RCSD1: variants seen among roughly 807,000 people sequenced by gnomAD.
RCSD1 encodes the protein capZ-interacting protein.
RCSD1 carries 26 observed loss-of-function variants against 42.5 expected under a neutral mutation model. The observed-to-expected ratio is 0.61, with a 90% CI of 0.45 to 0.85. The LOEUF is 0.85. Among genes scored for constraint, RCSD1 ranks in the 40% least tolerant of loss-of-function variants. The pLI is 0.00. For missense variants in RCSD1, 571 were observed against 528.3 expected, an observed-to-expected ratio of 1.08 and a Z score of -0.79; for synonymous variants, 220 against 212.2, an observed-to-expected ratio of 1.04 and a Z score of -0.32.
At chr1:167,659,637 C>T (rs1015943617) in intron 1 of RCSD1, among the ~76,000 whole-genome samples, 1 of 152,192 alleles carries the variant, frequency 6.6e-6, no homozygotes, top group African/African-American at 2.4e-5. Context: ...CCTTGGACCA[C>T]GTGTCCATTC....
At chr1:167,651,222 T>G (rs1658297467) in intron 1 of RCSD1, among the ~76,000 whole-genome samples, 1 of 152,188 alleles carries the variant, frequency 6.6e-6, no homozygotes, top group Non-Finnish European at 1.5e-5. Flanking sequence ...CAGGAGACAG[T>G]TCAGCCCAGG....
At chr1:167,637,272 A>G (rs1657884118) in intron 1 of RCSD1, among the ~76,000 whole-genome samples, 1 of 152,234 alleles carries the variant, frequency 6.6e-6, no homozygotes, top group South Asian at 2.1e-4. Flanking sequence ...CTGGAGGATA[A>G]AGCAAGATAA....
chr1:167,685,293 C>A, intron 2 of RCSD1, 128 bp from the exon 3 acceptor site: 1 of 631,392 alleles, frequency 1.6e-6, no homozygotes, highest in Non-Finnish European at 2.7e-6. Context: ...CTACACTTCC[C>A]TAACATCCTA....
intron 6 of RCSD1, among the ~76,000 whole-genome samples, chr1:167,703,231 C>T (rs1659684566): frequency 6.6e-6 from 1 of 152,180 alleles, no homozygotes. Flanking sequence ...TCAATCATCC[C>T]TCAGACACAT....
In RCSD1 at chr1:167,696,670, C is replaced by T. The variant is rs1398492979; in HGVS notation, c.475-429C>T. The stretch of plus-strand genomic sequence containing the variant: ...GTCTCGCTACGTTGCCCAGGCTGAT[C>T]TTGAACTCCTGAGCTCAAGCGATCC... On this transcript the variant is annotated intron_variant, in intron 5 of 6. Transcript: ENST00000367854. Among the ~76,000 whole-genome samples, 3 of 152,204 alleles carry T rather than the reference C, an allele frequency of 2.0e-5. No homozygotes were observed. In the East Asian group the frequency reaches 5.8e-4, roughly 29 times the overall value.
intron 1 of RCSD1, among the ~76,000 whole-genome samples, chr1:167,633,324 G>A (rs1344340767): frequency 6.6e-6 from 1 of 152,214 alleles, no homozygotes; most frequent in African/African-American, 2.4e-5. Flanking sequence ...CAGATCATGA[G>A]TTCTGCAGGA....
intron 6 of RCSD1, among the ~76,000 whole-genome samples, chr1:167,699,283 A>C (rs1659586129): frequency 1.3e-5 from 2 of 152,216 alleles, no homozygotes; most frequent in Non-Finnish European, 2.9e-5. Context: ...AAACAATAGA[A>C]ATATACTTTC....
chr1:167,694,064 A>C, intron 4 of RCSD1, 35 bp from the exon 5 acceptor site: 4 of 1,602,952 alleles, frequency 2.5e-6, no homozygotes, highest in Non-Finnish European at 3.4e-6. Context: ...TCTTCTCCCT[A>C]GTCCTATTTG....
rs1342280735 is a variant in RCSD1, at chr1:167,685,524, T to C, written c.198+14T>C. On this transcript the variant is annotated intron_variant, in intron 3 of 6. Transcript: ENST00000367854. ...AATGGTGAGGAGGTAAGTGCTGCTG[T>C]TGGGGCTCAGAGGATGCTGTGATGG... 3.7e-6 allele frequency: 6 copies of C among 1,608,266 alleles called. No homozygotes were observed. The highest frequency in any genetic ancestry group is 5.1e-6 in the Non-Finnish European group (6 of 1,175,524).
At chr1:167,680,327 C>T (rs974559772) in intron 1 of RCSD1, among the ~76,000 whole-genome samples, 3 of 151,804 alleles carry the variant, frequency 2.0e-5, no homozygotes, top group Non-Finnish European at 4.4e-5. Context: ...TGGGTATGGT[C>T]CATGGGGGTG....
At chr1:167,662,396 G>A (rs1268205778) in intron 1 of RCSD1, among the ~76,000 whole-genome samples, 1 of 152,114 alleles carries the variant, frequency 6.6e-6, no homozygotes, top group African/African-American at 2.4e-5. Context: ...TCTTGATCTT[G>A]CTGTCTCTCT....
At chr1:167,685,728 A>G (rs902152666) in intron 3 of RCSD1, among the ~76,000 whole-genome samples, 1 of 152,182 alleles carries the variant, frequency 6.6e-6, no homozygotes, top group Non-Finnish European at 1.5e-5. Flanking sequence ...AGGCTCCTTT[A>G]TGATTTGTCA....
intron 3 of RCSD1, among the ~76,000 whole-genome samples, chr1:167,688,850 T>G (rs1362679899): frequency 3.3e-5 from 5 of 152,146 alleles, no homozygotes; most frequent in African/African-American, 1.2e-4. Flanking sequence ...TATGGGGAGA[T>G]CCCTCCTCTG....
chr1:167,659,222 G>A lies in RCSD1; in HGVS notation c.7-24678G>A, dbSNP rs12564618. ...TTTTGAATTTGCTTTTCTATGAATTGCCTATTTATATCCTTTGTTATGTAT... is the reference window on the plus strand; with the variant it reads ...TTTTGAATTTGCTTTTCTATGAATTACCTATTTATATCCTTTGTTATGTAT... On this transcript the variant is annotated intron_variant, in intron 1 of 6. Transcript: ENST00000367854. Among the ~76,000 whole-genome samples, 981 of 152,186 alleles carry A rather than the reference G, an allele frequency of 6.4e-3. 31 individuals are homozygous for A. In the East Asian group the frequency reaches 0.07, roughly 11 times the overall value.
chr1:167,689,494 A>AAG lies in RCSD1; in HGVS notation c.199-554_199-553insGA, dbSNP rs1553251392. 4.0e-3 allele frequency among the ~76,000 whole-genome samples: 604 copies of AAG among 149,196 alleles called. 7 individuals are homozygous for AAG. The highest frequency in any genetic ancestry group is 0.014 in the African/African-American group (573 of 40,450). On this transcript the variant is annotated intron_variant, in intron 3 of 6. Coordinates refer to ENST00000367854, the MANE Select transcript of RCSD1 (RefSeq NM_052862.4). ...GGACTCTGTCTCAAAAAAAAAAAAA[A>AAG]AAAGAAAAGAAAAGAAAAAGAATAT...
At chr1:167,676,517 C>T (rs938655273) in intron 1 of RCSD1, among the ~76,000 whole-genome samples, 1 of 152,218 alleles carries the variant, frequency 6.6e-6, no homozygotes, top group African/African-American at 2.4e-5. Flanking sequence ...GTTCTTTGTG[C>T]TTTCCCACCC....
At chr1:167,694,016 G>C in intron 4 of RCSD1, 83 bp from the exon 5 acceptor site, 1 of 1,380,736 alleles carries the variant, frequency 7.2e-7, no homozygotes, top group Non-Finnish European at 1.0e-6. Flanking sequence ...AACCAGGCCT[G>C]AGGCCAGATA....
chr1:167,683,838 T>C, intron 1 of RCSD1, 62 bp from the exon 2 acceptor site: 1 of 1,462,916 alleles, frequency 6.8e-7, no homozygotes, highest in South Asian at 1.2e-5. Context: ...ACAAAACAGG[T>C]GCCTTGCATG....
chr1:167,663,523 A>G (rs1305059445), intron 1 of RCSD1: 2 of 152,302 alleles, frequency 1.3e-5, no homozygotes, highest in African/African-American at 4.8e-5. Context: ...CAGCACACAA[A>G]TGGCCCTTCT....
Sources: allele counts gnomAD v4.1 joint callset (sites outside exome capture counted in the v4.1 genomes callset), GRCh38; gene constraint gnomAD v4.1.1; transcripts MANE v1.5; gene names NCBI Gene and HGNC (gene_info 2026-07-23, HGNC 2026-07-21).